Variants in GNAS-AS1 observed in about 807,000 individuals in gnomAD.
GNAS-AS1 encodes GNAS antisense RNA 1 (non-protein coding).
intron 4 of GNAS-AS1, among the ~76,000 whole-genome samples, chr20:58,822,227 C>T (rs2085491594): frequency 6.6e-6 from 1 of 152,186 alleles, no homozygotes; most frequent in Non-Finnish European, 1.5e-5. Context: ...TTGCTGGGTC[C>T]CTGCCCAATT....
In GNAS-AS1 at chr20:58,841,018, C is replaced by A; in HGVS notation, n.819+919G>T. 1 of 1,070,988 alleles carries A rather than the reference C, an allele frequency of 9.3e-7. No individual in the cohort carries two copies. The highest frequency in any genetic ancestry group is 1.4e-6 in the Non-Finnish European group (1 of 734,402). The allele number at this position is 1,070,988 out of a possible 1,614,324, so 66.3% of individuals were successfully genotyped here. ...GAGGCTCAGCTGGTCAGCCTGGGAT[C>A]GGGGGTCAGGGTGAGGCGGCGAGGG... On this transcript the variant is annotated intron_variant and non_coding_transcript_variant, in intron 4 of 4. Transcript: ENST00000424094. This position sits in a 1 kb window ranked among gnomAD's most constrained non-coding sequence, Gnocchi z 5.0.
intron 4 of GNAS-AS1, chr20:58,834,202 A>C (rs1291382574): frequency 6.6e-6 from 1 of 152,216 alleles, no homozygotes; most frequent in East Asian, 1.9e-4. Context: ...GCTAGGGGCT[A>C]GAGGAAAGAT....
chr20:58,830,052 A>G (rs746348909), intron 4 of GNAS-AS1, among the ~76,000 whole-genome samples: 1 of 152,074 alleles, frequency 6.6e-6, no homozygotes, highest in Non-Finnish European at 1.5e-5. Context: ...CTCGACTGCC[A>G]ACTCCAACTT....
chr20:58,848,073 C>T (rs2086003676), intron 2 of GNAS-AS1, among the ~76,000 whole-genome samples: 1 of 152,196 alleles, frequency 6.6e-6, no homozygotes, highest in Non-Finnish European at 1.5e-5. Flanking sequence ...TTCAAAACGC[C>T]ACTGTTTGCC....
At chr20:58,843,924 T>C (rs192010677) in intron 2 of GNAS-AS1, 10 of 151,974 alleles carry the variant, frequency 6.6e-5, no homozygotes, top group Non-Finnish European at 1.0e-4. Flanking sequence ...GAATTAGAAA[T>C]GTTACAGTTT....
chr20:58,830,792 A>G (rs1221263444), intron 4 of GNAS-AS1, among the ~76,000 whole-genome samples: 1 of 151,170 alleles, frequency 6.6e-6, no homozygotes, highest in Non-Finnish European at 1.5e-5. Flanking sequence ...AGAAGGAGGC[A>G]AGATTTATAT....
Position 58,840,490 on chromosome 20 carries a change from G to C in GNAS-AS1, n.819+1447C>G, listed in dbSNP as rs761520412. 2.5e-6 allele frequency: 4 copies of C among 1,613,180 alleles called. No homozygotes were observed. The highest frequency in any genetic ancestry group is 1.3e-5 in the African/African-American group (1 of 74,896). The stretch of plus-strand genomic sequence containing the variant: ...AGTCCGAGACCGACTTCGAGACCGA[G>C]CCTGAGACCGCCCCCACCACTGAGC... On this transcript the variant is annotated intron_variant and non_coding_transcript_variant, in intron 4 of 4. Coordinates refer to ENST00000424094, the Ensembl canonical transcript of GNAS-AS1. The surrounding 1 kb of genome is among the most constrained non-coding windows in gnomAD (Gnocchi z 6.0).
At chr20:58,821,344 G>A (rs917902162) in intron 4 of GNAS-AS1, among the ~76,000 whole-genome samples, 4 of 152,192 alleles carry the variant, frequency 2.6e-5, no homozygotes, top group East Asian at 1.9e-4. Flanking sequence ...CCATCACCTC[G>A]GACTCCTCCA....
intron 4 of GNAS-AS1, among the ~76,000 whole-genome samples, chr20:58,826,511 G>A: frequency 6.6e-6 from 1 of 152,176 alleles, no homozygotes; most frequent in East Asian, 1.9e-4. Flanking sequence ...AATTTCAAAG[G>A]CTGGAGAGCA....
chr20:58,825,944 T>C (rs2085517032), intron 4 of GNAS-AS1: 2 of 396,410 alleles, frequency 5.0e-6, no homozygotes, highest in East Asian at 7.1e-5. Flanking sequence ...CCACAGGCCT[T>C]GTGTCTCTCA....
At chr20:58,849,251 A>G (rs1398844692) in intron 1 of GNAS-AS1, among the ~76,000 whole-genome samples, 1 of 152,174 alleles carries the variant, frequency 6.6e-6, no homozygotes, top group African/African-American at 2.4e-5. Context: ...ACCAGTGCAG[A>G]GGCTAAAACA....
rs550172967 is a variant in GNAS-AS1, at chr20:58,850,810, G to A, written n.94C>T. 712 of 398,798 alleles carry A rather than the reference G, an allele frequency of 1.8e-3. No individual in the cohort carries two copies. Among genetic ancestry groups the A allele is most frequent in the South Asian group, 2.9e-3 (23 of 7,864 alleles). The allele number at this position is 398,798 out of a possible 1,614,324, so 24.7% of individuals were successfully genotyped here. On this transcript the variant is annotated non_coding_transcript_exon_variant, in exon 1 of 5. Coordinates refer to ENST00000424094, the Ensembl canonical transcript of GNAS-AS1. ...ACCCCACGGCGCTAGCGGTCCTCGT[G>A]GTCTTCCAGGCCTAGCCGCCATACA... is the stretch of plus-strand genomic sequence containing the variant.
At chr20:58,833,396 C>G (rs1250740052) in intron 4 of GNAS-AS1, among the ~76,000 whole-genome samples, 1 of 152,172 alleles carries the variant, frequency 6.6e-6, no homozygotes, top group Admixed American at 6.5e-5. Flanking sequence ...AATCACCAGC[C>G]TCCAGTGCAT....
At chr20:58,845,691 T>G (rs543988640) in intron 2 of GNAS-AS1, among the ~76,000 whole-genome samples, 197 of 152,336 alleles carry the variant, frequency 1.3e-3, no homozygotes, top group African/African-American at 4.5e-3. Context: ...TTTAAAAATC[T>G]CATGAGTTTT....
At chr20:58,836,445 C>T (rs2085603746) in intron 4 of GNAS-AS1, 1 of 152,206 alleles carries the variant, frequency 6.6e-6, no homozygotes, top group Non-Finnish European at 1.5e-5. Context: ...ATATTCTTCA[C>T]AATTTATCCG....
intron 4 of GNAS-AS1, among the ~76,000 whole-genome samples, chr20:58,837,229 C>T (rs1367514739): frequency 1.3e-5 from 2 of 152,024 alleles, no homozygotes; most frequent in East Asian, 1.9e-4. Context: ...CATATGCTGT[C>T]GATGGAGCTG....
intron 4 of GNAS-AS1, among the ~76,000 whole-genome samples, chr20:58,829,897 T>C (rs933404346): frequency 1.3e-5 from 2 of 152,106 alleles, no homozygotes; most frequent in Non-Finnish European, 2.9e-5. Context: ...GCATTCACCA[T>C]TGTATTCCCA....
At chr20:58,850,416 C>T in intron 1 of GNAS-AS1, 1 of 397,526 alleles carries the variant, frequency 2.5e-6, no homozygotes, top group Non-Finnish European at 4.4e-6. Flanking sequence ...ACCCTGAACC[C>T]GTTCCTCGAC....
intron 4 of GNAS-AS1, among the ~76,000 whole-genome samples, chr20:58,825,105 C>T (rs974356903): frequency 3.9e-5 from 6 of 152,234 alleles, no homozygotes; most frequent in African/African-American, 1.2e-4. Context: ...CAGATCAAGA[C>T]AACTCCATCT....
Sources: gnomAD v4.1 joint callset for allele counts (sites outside exome capture counted in the v4.1 genomes callset) on GRCh38, gnomAD v4.1.1 for gene constraint, Gnocchi (gnomAD v3.1) non-coding constraint, MANE v1.5 for transcripts, NCBI Gene and HGNC (gene_info 2026-07-23, HGNC 2026-07-21) for gene names.